Variants in TNFSF4 observed in about 807,000 individuals in gnomAD.
TNFSF4 encodes tumor necrosis factor ligand superfamily member 4.
In TNFSF4, 4 loss-of-function variants were observed where a neutral mutation model predicts 7.3. The ratio of observed to expected loss-of-function variants is 0.55; its 90% CI spans 0.27 to 1.25. The LOEUF is 1.25. Ranked by LOEUF, TNFSF4 falls within the 50% of genes most tolerant of loss-of-function variation. The pLI, the probability that TNFSF4 is intolerant of heterozygous loss-of-function variation, is 0.12. For missense variants in TNFSF4, 181 were observed against 208.8 expected (o/e 0.87, Z 0.82); for synonymous variants, 76 against 83.7 (o/e 0.91, Z 0.50).
At chr1:173,227,708 G>A in the TNFSF4 span, among the ~76,000 whole-genome samples, 4,125 of 152,308 alleles carry the variant, frequency 0.027, 176 homozygotes, top group African/African-American at 0.094. Flanking sequence ...TGTGACAGAT[G>A]GCACCTGGAA....
chr1:173,248,516 A>AAGAAAG, the TNFSF4 span, among the ~76,000 whole-genome samples: 1 of 146,568 alleles, frequency 6.8e-6, no homozygotes, highest in East Asian at 2.0e-4. Flanking sequence ...AAGAAAGAGA[A>AAGAAAG]AGAAGGAAGG....
chr1:173,318,201 GA>G, the TNFSF4 span, among the ~76,000 whole-genome samples: 110 of 152,284 alleles, frequency 7.2e-4, 3 homozygotes, highest in South Asian at 0.023. Flanking sequence ...AGCACTTTGG[GA>G]GGCCAAGGGG....
chr1:173,248,748 A>G, the TNFSF4 span, among the ~76,000 whole-genome samples: 1 of 152,298 alleles, frequency 6.6e-6, no homozygotes, highest in Admixed American at 6.5e-5. Flanking sequence ...GGTAACAGCA[A>G]TGGAAAGCTG....
the TNFSF4 span, among the ~76,000 whole-genome samples, chr1:173,358,017 A>G: frequency 2.1e-5 from 3 of 142,854 alleles, no homozygotes; most frequent in Admixed American, 7.2e-5. Context: ...AGGAATCTGC[A>G]AACATGATTA....
the TNFSF4 span, among the ~76,000 whole-genome samples, chr1:173,239,683 T>C: frequency 6.6e-6 from 1 of 152,152 alleles, no homozygotes; most frequent in African/African-American, 2.4e-5. Context: ...TATCATGATG[T>C]CCTCAGTGTC....
chr1:173,400,361 G>A, the TNFSF4 span, among the ~76,000 whole-genome samples: 5 of 152,160 alleles, frequency 3.3e-5, no homozygotes, highest in African/African-American at 9.7e-5. Flanking sequence ...TTCTCCCATA[G>A]CCAGGATTCT....
At chr1:173,360,811 T>TATTAAAGTC in the TNFSF4 span, among the ~76,000 whole-genome samples, 4 of 152,070 alleles carry the variant, frequency 2.6e-5, no homozygotes, top group Non-Finnish European at 5.9e-5. Context: ...CCACATAAAT[T>TATTAAAGTC]ATTAAAGTCA....
At chr1:173,368,697 TC>T in the TNFSF4 span, among the ~76,000 whole-genome samples, 1,982 of 152,154 alleles carry the variant, frequency 0.013, 43 homozygotes, top group African/African-American at 0.046. Flanking sequence ...AGCTTCGGGG[TC>T]CCGACAACAA....
At chr1:173,214,759 A>T in the TNFSF4 span, among the ~76,000 whole-genome samples, 1 of 152,188 alleles carries the variant, frequency 6.6e-6, no homozygotes, top group Non-Finnish European at 1.5e-5. Context: ...TCTTCCATTT[A>T]TTGTGTGCTT....
chr1:173,239,231 G>A, the TNFSF4 span, among the ~76,000 whole-genome samples: 1 of 152,108 alleles, frequency 6.6e-6, no homozygotes, highest in African/African-American at 2.4e-5. Context: ...AAAATCTGCT[G>A]GCCCAAGGAT....
chr1:173,192,043 G>T (rs1386748944), intron 1 of TNFSF4, among the ~76,000 whole-genome samples: 2 of 152,164 alleles, frequency 1.3e-5, no homozygotes, highest in Non-Finnish European at 2.9e-5. Flanking sequence ...AAGGCGTGGT[G>T]GTATGCACCT....
the TNFSF4 span, among the ~76,000 whole-genome samples, chr1:173,297,567 A>C: frequency 2.0e-5 from 3 of 151,992 alleles, no homozygotes; most frequent in African/African-American, 7.2e-5. Flanking sequence ...ATGGAGGCCA[A>C]ACCAGAAAAA....
the TNFSF4 span, among the ~76,000 whole-genome samples, chr1:173,335,745 A>G: frequency 2.0e-5 from 3 of 152,220 alleles, no homozygotes; most frequent in African/African-American, 4.8e-5. Flanking sequence ...AATTCCTTCA[A>G]TTAAGAAGAG....
At chr1:173,289,869 C>T in the TNFSF4 span, among the ~76,000 whole-genome samples, 2 of 151,714 alleles carry the variant, frequency 1.3e-5, no homozygotes, top group Non-Finnish European at 2.9e-5. Context: ...AACAAAACCT[C>T]GGTGAGCTAT....
At chr1:173,412,358 A>G in the TNFSF4 span, among the ~76,000 whole-genome samples, 1 of 152,216 alleles carries the variant, frequency 6.6e-6, no homozygotes, top group South Asian at 2.1e-4. Flanking sequence ...TGCAACAAAA[A>G]CATTTTACTT....
the TNFSF4 span, among the ~76,000 whole-genome samples, chr1:173,319,377 C>A: frequency 1.3e-5 from 2 of 152,202 alleles, no homozygotes; most frequent in African/African-American, 4.8e-5. Flanking sequence ...CTCCCTGGGA[C>A]AGAGCACCTG....
chr1:173,410,786 C>G, the TNFSF4 span, among the ~76,000 whole-genome samples: 1 of 152,166 alleles, frequency 6.6e-6, no homozygotes, highest in African/African-American at 2.4e-5. Flanking sequence ...GTGAGAAGAC[C>G]TTGGTGCTCC....
chr1:173,248,836 G>A, the TNFSF4 span, among the ~76,000 whole-genome samples: 5 of 152,042 alleles, frequency 3.3e-5, no homozygotes, highest in African/African-American at 1.2e-4. Flanking sequence ...CTATATATAC[G>A]GCATCTAGTG....
chr1:173,384,538 G>C, the TNFSF4 span, among the ~76,000 whole-genome samples: 17 of 152,022 alleles, frequency 1.1e-4, no homozygotes, highest in South Asian at 3.3e-3. Context: ...CTCCCCCACC[G>C]CATGATTCTC....
Sources: allele counts gnomAD v4.1 joint callset (sites outside exome capture counted in the v4.1 genomes callset), GRCh38; gene constraint gnomAD v4.1.1; transcripts MANE v1.5; gene names NCBI Gene and HGNC (gene_info 2026-07-23, HGNC 2026-07-21).